Variants in NETO1 observed in about 807,000 individuals in gnomAD.
The protein encoded by NETO1 is neuropilin and tolloid like 1, also known as neuropilin and tolloid-like protein 1.
NETO1 carries 26 observed loss-of-function variants against 61.3 expected under a neutral mutation model. The ratio of observed to expected loss-of-function variants is 0.42; its 90% confidence interval spans 0.31 to 0.59. The LOEUF is 0.59. NETO1 is among the 20% of genes least tolerant of loss of function. The pLI, the probability that NETO1 is intolerant of heterozygous loss-of-function variation, is 0.12. For missense variants in NETO1, 531 were observed against 662.8 expected (o/e 0.80, Z 2.18); for synonymous variants, 225 against 225.8 (o/e 1.00, Z 0.03).
intron 6 of NETO1, among the ~76,000 whole-genome samples, chr18:72,788,280 T>C (rs923486138): frequency 5.9e-5 from 9 of 152,146 alleles, no homozygotes; most frequent in East Asian, 1.9e-4. Flanking sequence ...CATTCAGTAG[T>C]GTTTACCTAT....
chr18:72,831,587 C>T (rs947993976), intron 4 of NETO1, among the ~76,000 whole-genome samples: 3 of 152,190 alleles, frequency 2.0e-5, no homozygotes, highest in Non-Finnish European at 4.4e-5. Context: ...CAATTCCACC[C>T]TCTCCCAATA....
chr18:72,816,616 G>C (rs1237927329), intron 4 of NETO1, among the ~76,000 whole-genome samples: 1 of 152,144 alleles, frequency 6.6e-6, no homozygotes, highest in African/African-American at 2.4e-5. Context: ...CAGCAGCAAG[G>C]AGAATTTCCT....
intron 4 of NETO1, among the ~76,000 whole-genome samples, chr18:72,858,565 A>C (rs371232441): frequency 1.3e-5 from 2 of 152,200 alleles, no homozygotes; most frequent in African/African-American, 4.8e-5. Flanking sequence ...CCATCATAAC[A>C]AAAGTCCACT....
intron 8 of NETO1, among the ~76,000 whole-genome samples, chr18:72,751,771 G>A (rs945790158): frequency 1.3e-4 from 20 of 152,140 alleles, no homozygotes; most frequent in African/African-American, 4.6e-4. Flanking sequence ...TTCCTGCCCC[G>A]ACCCAGAAGA....
intron 7 of NETO1, among the ~76,000 whole-genome samples, chr18:72,772,058 T>C (rs950244522): frequency 5.3e-5 from 8 of 152,188 alleles, no homozygotes; most frequent in African/African-American, 1.9e-4. Flanking sequence ...TGTTTCAGTA[T>C]GCTGGAATAG....
chr18:72,758,277 A>G (rs1307665742), intron 7 of NETO1, among the ~76,000 whole-genome samples: 1 of 152,046 alleles, frequency 6.6e-6, no homozygotes, highest in Non-Finnish European at 1.5e-5. Flanking sequence ...TAATTCAGGA[A>G]TGTCAATAAA....
At chr18:72,784,381 A>C (rs1381632709) in intron 6 of NETO1, among the ~76,000 whole-genome samples, 1 of 152,218 alleles carries the variant, frequency 6.6e-6, no homozygotes, top group African/African-American at 2.4e-5. Context: ...TTGTTTAATC[A>C]AATTATTTAA....
chr18:72,841,353 C>A (rs1336961248), intron 4 of NETO1, among the ~76,000 whole-genome samples: 1 of 152,026 alleles, frequency 6.6e-6, no homozygotes, highest in Admixed American at 6.6e-5. Context: ...TCCTTTCGAA[C>A]AGGTTACACT....
At position 72,775,851 on chromosome 18, in the gene NETO1, C is replaced by CT. The variant is rs911054436; in HGVS notation, c.868+7826dup. On this transcript the variant is annotated intron_variant, in intron 7 of 10. Transcript: ENST00000327305. ...GAAAGTCAATTAACTTCAATGAACC[C>CT]TTTTTTTTTCTGTTTGAATTCAGAA... Among the ~76,000 whole-genome samples, 100 of 150,718 alleles carry CT rather than the reference C, an allele frequency of 6.6e-4. No individual in the cohort carries two copies. The East Asian group carries it at 0.017, about 26-fold the overall frequency.
intron 4 of NETO1, among the ~76,000 whole-genome samples, chr18:72,829,229 T>C (rs1254264182): frequency 1.3e-5 from 2 of 152,216 alleles, no homozygotes; most frequent in Admixed American, 6.5e-5. Flanking sequence ...AGATAACATC[T>C]AAATAAGCGA....
intron 4 of NETO1, among the ~76,000 whole-genome samples, chr18:72,816,603 A>T (rs558954521): frequency 5.3e-5 from 8 of 152,314 alleles, no homozygotes; most frequent in African/African-American, 1.7e-4. Flanking sequence ...GAACCTCTCC[A>T]GGCAGCAGCA....
chr18:72,786,467 T>G (rs889017192), intron 6 of NETO1, among the ~76,000 whole-genome samples: 1 of 152,190 alleles, frequency 6.6e-6, no homozygotes, highest in African/African-American at 2.4e-5. Context: ...AGGACGATTT[T>G]CATACATGAG....
chr18:72,852,044 T>C (rs2074266311), intron 4 of NETO1, among the ~76,000 whole-genome samples: 1 of 152,202 alleles, frequency 6.6e-6, no homozygotes, highest in Admixed American at 6.5e-5. Context: ...ATATCAATAA[T>C]GGAAATATAT....
intron 4 of NETO1, among the ~76,000 whole-genome samples, chr18:72,842,813 C>CACCTCATAGGTATAGCAT (rs561405121): frequency 6.6e-6 from 1 of 152,146 alleles, no homozygotes; most frequent in Admixed American, 6.5e-5. Context: ...AGGTATAGCA[C>CACCTCATAGGTATAGCAT]ACCTCATAGG....
intron 4 of NETO1, among the ~76,000 whole-genome samples, chr18:72,794,870 A>G (rs534002219): frequency 6.6e-6 from 1 of 152,206 alleles, no homozygotes; most frequent in African/African-American, 2.4e-5. Flanking sequence ...AAAGTGTAGT[A>G]ACACAGTTTT....
At chr18:72,855,288 C>T (rs918535492) in intron 4 of NETO1, among the ~76,000 whole-genome samples, 1 of 152,156 alleles carries the variant, frequency 6.6e-6, no homozygotes, top group Non-Finnish European at 1.5e-5. Context: ...CTTCTACAAG[C>T]CTCACTCTTA....
chr18:72,858,592 G>A (rs905314571), intron 4 of NETO1, among the ~76,000 whole-genome samples: 2 of 152,110 alleles, frequency 1.3e-5, no homozygotes, highest in Non-Finnish European at 2.9e-5. Context: ...TGTGGCTGAT[G>A]CCCATTTAGA....
chr18:72,775,603 T>C (rs1420416222), intron 7 of NETO1, among the ~76,000 whole-genome samples: 2 of 152,162 alleles, frequency 1.3e-5, no homozygotes, highest in African/African-American at 4.8e-5. Flanking sequence ...CAAAATTCAG[T>C]CTGTAATCAC....
intron 7 of NETO1, among the ~76,000 whole-genome samples, chr18:72,766,793 T>A (rs1008684453): frequency 6.6e-6 from 1 of 152,134 alleles, no homozygotes. Context: ...AAAAAATCTT[T>A]CCTTGTATGT....
Sources: gnomAD v4.1 joint callset for allele counts (sites outside exome capture counted in the v4.1 genomes callset) on GRCh38, gnomAD v4.1.1 for gene constraint, MANE v1.5 for transcripts, NCBI Gene and HGNC (gene_info 2026-07-23, HGNC 2026-07-21) for gene names.